The following PDGFC variants were observed in gnomAD, a reference collection of about 807,000 sequenced individuals.
PDGFC encodes the protein platelet-derived growth factor C.
A neutral mutation model predicts 35.5 loss-of-function variants in PDGFC; 12 were observed. The observed-to-expected ratio is 0.34, with a 90% CI of 0.22 to 0.55. PDGFC has a LOEUF of 0.55. Ranked by LOEUF, PDGFC falls within the 20% of genes least tolerant of loss-of-function variation. The probability of loss-of-function intolerance (pLI) is 0.91; values close to 1 mark genes in which losing one functional copy is unlikely to be tolerated. For missense variants in PDGFC, 322 were observed against 412.4 expected (o/e 0.78, Z 1.90); for synonymous variants, 159 against 148.8 (o/e 1.07, Z -0.50).
intron 3 of PDGFC, among the ~76,000 whole-genome samples, chr4:156,785,150 A>G (rs965865069): frequency 1.3e-5 from 2 of 152,322 alleles, no homozygotes; most frequent in African/African-American, 4.8e-5. Context: ...GATGATTCAC[A>G]TTCTGCATAG....
At chr4:156,854,314 G>A (rs995752154) in intron 1 of PDGFC, among the ~76,000 whole-genome samples, 8 of 152,022 alleles carry the variant, frequency 5.3e-5, no homozygotes, top group Non-Finnish European at 1.0e-4. Flanking sequence ...TAAAAGATCT[G>A]AATTCTATTT....
rs561026816 is a variant in PDGFC, at chr4:156,891,061, T to C, written c.119-40645A>G. On this transcript the variant is annotated intron_variant, in intron 1 of 5. Coordinates refer to ENST00000502773, the MANE Select transcript of PDGFC (RefSeq NM_016205.3). ...AAAAGCCTTCTACACACCTGCACTATTATGGTATAGCCTATTGCTTTTTGG... is the reference window on the plus strand; with the variant it reads ...AAAAGCCTTCTACACACCTGCACTACTATGGTATAGCCTATTGCTTTTTGG... 2.6e-5 allele frequency among the ~76,000 whole-genome samples: 4 copies of C among 152,142 alleles called. No individual in the cohort carries two copies. The East Asian group carries it at 5.8e-4, about 22-fold the overall frequency.
intron 3 of PDGFC, among the ~76,000 whole-genome samples, chr4:156,775,698 C>G (rs1730810376): frequency 6.6e-6 from 1 of 152,098 alleles, no homozygotes; most frequent in Non-Finnish European, 1.5e-5. Context: ...AGATGCACAC[C>G]TTAGGTCCAG....
At chr4:156,779,020 C>G (rs760995012) in intron 3 of PDGFC, 11 of 366,082 alleles carry the variant, frequency 3.0e-5, no homozygotes, top group Non-Finnish European at 6.1e-5. Context: ...TGGGTAACAT[C>G]ACTTCTTAAA....
chr4:156,777,345 T>C (rs904860779), intron 3 of PDGFC, among the ~76,000 whole-genome samples: 3 of 152,208 alleles, frequency 2.0e-5, no homozygotes, highest in Non-Finnish European at 1.5e-5. Context: ...TAGAGTTCAC[T>C]CAAAATTTCT....
At chr4:156,931,606 C>A (rs1302398010) in intron 1 of PDGFC, among the ~76,000 whole-genome samples, 1 of 152,096 alleles carries the variant, frequency 6.6e-6, no homozygotes, top group South Asian at 2.1e-4. Context: ...AGACAATAGA[C>A]AAATGCAAGG....
At chr4:156,784,309 G>T (rs529720220) in intron 3 of PDGFC, among the ~76,000 whole-genome samples, 2 of 152,274 alleles carry the variant, frequency 1.3e-5, no homozygotes, top group East Asian at 3.9e-4. Flanking sequence ...CAATCTAAGG[G>T]TCGGGAAGAG....
At chr4:156,937,217 C>A (rs1425041062) in intron 1 of PDGFC, among the ~76,000 whole-genome samples, 1 of 152,094 alleles carries the variant, frequency 6.6e-6, no homozygotes, top group East Asian at 1.9e-4. Context: ...ATCAAGGATG[C>A]AATCTTGGAA....
intron 3 of PDGFC, among the ~76,000 whole-genome samples, chr4:156,797,752 T>G (rs887539223): frequency 1.3e-5 from 2 of 152,026 alleles, no homozygotes; most frequent in African/African-American, 4.8e-5. Context: ...AAGCTTGGAG[T>G]TGGTCACCTG....
intron 4 of PDGFC, among the ~76,000 whole-genome samples, chr4:156,769,380 T>C (rs1388761266): frequency 1.3e-5 from 2 of 151,916 alleles, no homozygotes; most frequent in African/African-American, 4.8e-5. Context: ...TATATTGTCT[T>C]AATTGTCTTT....
intron 3 of PDGFC, among the ~76,000 whole-genome samples, chr4:156,804,234 C>T (rs1417889999): frequency 2.6e-5 from 4 of 151,796 alleles, no homozygotes; most frequent in East Asian, 3.9e-4. Context: ...AAATAAATAA[C>T]TGCTAATGTT....
Position 156,767,818 on chromosome 4 carries a change from A to G in PDGFC, c.876T>C (p.Asn292=), listed in dbSNP as rs2110797832. The G allele has an allele frequency of 1.2e-6, 2 of 1,613,342 alleles. No individual in the cohort carries two copies. Among genetic ancestry groups the G allele is most frequent in the Non-Finnish European group, 1.7e-6 (2 of 1,179,442 alleles). ...GNCACCLHNC[N]ECQCVPSKVT... ...CTTTGCTTGGGACACATTGACATTC[A>G]TTGCAATTGTGGAGACAACAGGCAC... Residue 292 remains asparagine, a synonymous_variant, in exon 5 of 6, where the codon AAT becomes AAC. Coordinates refer to ENST00000502773, the MANE Select transcript of PDGFC (RefSeq NM_016205.3).
intron 1 of PDGFC, among the ~76,000 whole-genome samples, chr4:156,856,581 C>T (rs1258471968): frequency 2.0e-5 from 3 of 152,122 alleles, no homozygotes; most frequent in Non-Finnish European, 4.4e-5. Context: ...TTTTCTACCA[C>T]ACTACAATTC....
intron 4 of PDGFC, among the ~76,000 whole-genome samples, chr4:156,771,323 G>C (rs993290737): frequency 4.6e-5 from 7 of 152,072 alleles, no homozygotes; most frequent in African/African-American, 1.7e-4. Context: ...CACTGCCCCT[G>C]CTTCTTACAG....
At chr4:156,943,172 G>A (rs763910634) in intron 1 of PDGFC, among the ~76,000 whole-genome samples, 15 of 151,998 alleles carry the variant, frequency 9.9e-5, no homozygotes, top group South Asian at 2.1e-4. Flanking sequence ...TCAACCCCCC[G>A]GTGTATCAAT....
chr4:156,947,682 T>C (rs961996591), intron 1 of PDGFC, among the ~76,000 whole-genome samples: 2 of 152,034 alleles, frequency 1.3e-5, no homozygotes, highest in Non-Finnish European at 2.9e-5. Flanking sequence ...CTATCAGCCT[T>C]TTCCCCTCAA....
intron 2 of PDGFC, among the ~76,000 whole-genome samples, chr4:156,828,410 A>G (rs898494551): frequency 6.6e-6 from 1 of 152,172 alleles, no homozygotes; most frequent in Non-Finnish European, 1.5e-5. Flanking sequence ...GACCGTGCTT[A>G]ATAAGTGGCA....
intron 2 of PDGFC, among the ~76,000 whole-genome samples, chr4:156,828,299 A>T (rs1209667639): frequency 6.6e-6 from 1 of 152,192 alleles, no homozygotes; most frequent in East Asian, 1.9e-4. Context: ...CACATGCCCC[A>T]TCTCACTCTT....
chr4:156,944,462 CAT>C (rs768866822), intron 1 of PDGFC, among the ~76,000 whole-genome samples: 56 of 152,230 alleles, frequency 3.7e-4, no homozygotes, highest in Non-Finnish European at 2.6e-4. Context: ...GACTTCTTAT[CAT>C]GATTAAAAAT....
Sources: allele counts gnomAD v4.1 joint callset (sites outside exome capture counted in the v4.1 genomes callset), GRCh38; gene constraint gnomAD v4.1.1; transcripts MANE v1.5; gene names NCBI Gene and HGNC (gene_info 2026-07-23, HGNC 2026-07-21).